SGCD: variants seen among roughly 807,000 people sequenced by gnomAD.
The protein encoded by SGCD is sarcoglycan delta, also known as delta-sarcoglycan.
Under a neutral mutation model 36.6 loss-of-function variants are expected in SGCD, and 18 were observed. The ratio of observed to expected loss-of-function variants is 0.49; its 90% confidence interval spans 0.34 to 0.73. The LOEUF is 0.73. Among genes scored for constraint, SGCD ranks in the 30% least tolerant of loss-of-function variants. The pLI is 0.01. For missense variants in SGCD, 387 were observed against 346.7 expected, an observed-to-expected ratio of 1.12 and a Z score of -0.92; for synonymous variants, 133 against 130.6, an observed-to-expected ratio of 1.02 and a Z score of -0.12.
intron 1 of SGCD, among the ~76,000 whole-genome samples, chr5:156,011,305 C>T (rs902059208): frequency 1.3e-5 from 2 of 152,016 alleles, no homozygotes; most frequent in South Asian, 2.1e-4. Context: ...TAGGAAGGTA[C>T]TACAGTATGC....
chr5:155,997,577 C>G (rs1300389106), intron 1 of SGCD, among the ~76,000 whole-genome samples: 1 of 152,198 alleles, frequency 6.6e-6, no homozygotes, highest in Non-Finnish European at 1.5e-5. Flanking sequence ...GACATTGTTC[C>G]TCTCTTGTTT....
chr5:155,901,055 G>T (rs1449776047), intron 1 of SGCD, among the ~76,000 whole-genome samples: 1 of 152,136 alleles, frequency 6.6e-6, no homozygotes, highest in Non-Finnish European at 1.5e-5. Flanking sequence ...GCTCATGCCT[G>T]TAATCCTAGC....
At chr5:156,721,740 G>T (rs1173388120) in intron 7 of SGCD, among the ~76,000 whole-genome samples, 2 of 152,172 alleles carry the variant, frequency 1.3e-5, no homozygotes, top group African/African-American at 4.8e-5. Flanking sequence ...AGCAAGGGCT[G>T]AACCCTAGCA....
intron 3 of SGCD, among the ~76,000 whole-genome samples, chr5:156,150,930 C>A (rs1050376343): frequency 6.6e-6 from 1 of 151,652 alleles, no homozygotes; most frequent in East Asian, 1.9e-4. Flanking sequence ...AAGTTAAAAA[C>A]ATCTGTACTT....
intron 1 of SGCD, among the ~76,000 whole-genome samples, chr5:155,908,216 A>C (rs1307184169): frequency 6.6e-6 from 1 of 152,112 alleles, no homozygotes; most frequent in African/African-American, 2.4e-5. Context: ...TGAAAAACCA[A>C]AACGGTTGTT....
intron 3 of SGCD, among the ~76,000 whole-genome samples, chr5:156,188,149 G>T (rs139149022): frequency 2.0e-5 from 3 of 152,206 alleles, no homozygotes; most frequent in African/African-American, 7.2e-5. Context: ...TCTGATGCTG[G>T]TGGAGGAAGA....
chr5:156,672,999 C>G (rs1178764476), intron 7 of SGCD, among the ~76,000 whole-genome samples: 1 of 151,830 alleles, frequency 6.6e-6, no homozygotes, highest in Non-Finnish European at 1.5e-5. Context: ...CTGTACTTCC[C>G]CTATTACACA....
chr5:156,367,713 C>CACAGCCAG (rs1312745239), intron 3 of SGCD, among the ~76,000 whole-genome samples: 1 of 152,192 alleles, frequency 6.6e-6, no homozygotes, highest in Non-Finnish European at 1.5e-5. Flanking sequence ...TGGTCCTAAC[C>CACAGCCAG]ACAGCCAGAC....
At chr5:156,256,356 G>A (rs576278925) in intron 3 of SGCD, among the ~76,000 whole-genome samples, 19 of 152,126 alleles carry the variant, frequency 1.2e-4, no homozygotes, top group Non-Finnish European at 2.1e-4. Context: ...CTCCCTGAAC[G>A]TGATATGCTT....
chr5:156,433,773 CA>C (rs1753127334), intron 3 of SGCD, among the ~76,000 whole-genome samples: 1 of 152,142 alleles, frequency 6.6e-6, no homozygotes, highest in Non-Finnish European at 1.5e-5. Context: ...TAAACATTGT[CA>C]ACACAAGTTG....
chr5:155,991,115 AGT>A (rs1758423818), intron 1 of SGCD, among the ~76,000 whole-genome samples: 1 of 152,204 alleles, frequency 6.6e-6, no homozygotes, highest in Non-Finnish European at 1.5e-5. Flanking sequence ...TTCTCAAGTC[AGT>A]GAGATTATTC....
At chr5:155,809,434 G>A in the SGCD span, among the ~76,000 whole-genome samples, 3 of 152,286 alleles carry the variant, frequency 2.0e-5, no homozygotes, top group Admixed American at 6.5e-5. Flanking sequence ...GGTATGTCTC[G>A]CTAAACTTTG....
intron 3 of SGCD, among the ~76,000 whole-genome samples, chr5:156,426,007 G>T (rs1395602820): frequency 2.0e-5 from 3 of 151,998 alleles, no homozygotes; most frequent in African/African-American, 7.2e-5. Context: ...TGTGAATTAC[G>T]CTGCTAGAAA....
chr5:156,416,453 A>G (rs1434455524), intron 3 of SGCD, among the ~76,000 whole-genome samples: 1 of 152,198 alleles, frequency 6.6e-6, no homozygotes, highest in Non-Finnish European at 1.5e-5. Flanking sequence ...AATCTCAGAT[A>G]GCACCACTAA....
chr5:156,185,829 G>A (rs1418316126), intron 3 of SGCD, among the ~76,000 whole-genome samples: 4 of 20,958 alleles, frequency 1.9e-4, no homozygotes, highest in African/African-American at 2.4e-4. Flanking sequence ...ATATATGTGT[G>A]TGTGTATATA....
intron 2 of SGCD, among the ~76,000 whole-genome samples, chr5:156,330,057 C>A: frequency 6.9e-6 from 1 of 145,626 alleles, no homozygotes. Flanking sequence ...AGGGCACATA[C>A]TACATCGTTG....
chr5:156,736,238 G>T (rs1033696319), intron 7 of SGCD, among the ~76,000 whole-genome samples: 1 of 151,932 alleles, frequency 6.6e-6, no homozygotes, highest in Non-Finnish European at 1.5e-5. Flanking sequence ...TCTGCTTTTA[G>T]TTGGCCATCT....
chr5:156,399,722 C>A (rs1287355524), intron 3 of SGCD, among the ~76,000 whole-genome samples: 1 of 152,178 alleles, frequency 6.6e-6, no homozygotes, highest in Non-Finnish European at 1.5e-5. Context: ...CCTGCCTTCT[C>A]CCTACACTGT....
the SGCD span, among the ~76,000 whole-genome samples, chr5:155,852,099 A>G: frequency 9.0e-3 from 1,370 of 152,348 alleles, 20 homozygotes; most frequent in African/African-American, 0.031. Context: ...GAACACTGGC[A>G]TGGCATTTTG....
Sources: gnomAD v4.1 joint callset for allele counts (sites outside exome capture counted in the v4.1 genomes callset) on GRCh38, gnomAD v4.1.1 for gene constraint, MANE v1.5 for transcripts, NCBI Gene and HGNC (gene_info 2026-07-23, HGNC 2026-07-21) for gene names.